Variants in SYT2 observed in about 807,000 individuals in gnomAD.
SYT2 encodes the protein synaptotagmin-2.
A neutral mutation model predicts 39.9 loss-of-function variants in SYT2; 15 were observed. That is an observed-to-expected ratio of 0.38 (90% CI 0.25 to 0.58). SYT2 has a LOEUF of 0.58. Ranked by LOEUF, SYT2 falls within the 20% of genes least tolerant of loss-of-function variation. The pLI is 0.70. For missense variants in SYT2, 389 were observed against 530.3 expected (o/e 0.73, Z 2.62); for synonymous variants, 181 against 204.5 (o/e 0.89, Z 0.98).
chr1:202,635,101 T>G (rs143656465), intron 1 of SYT2, among the ~76,000 whole-genome samples: 8 of 152,310 alleles, frequency 5.3e-5, no homozygotes, highest in Non-Finnish European at 8.8e-5. Flanking sequence ...ATAAATAAGA[T>G]AGTAAATCAT....
rs1288591191 is a variant in SYT2, at chr1:202,652,861, G to A, written c.-17-47072C>T. 2.6e-5 allele frequency among the ~76,000 whole-genome samples: 4 copies of A among 152,148 alleles called. No individual in the cohort carries two copies. In the East Asian group the frequency reaches 7.7e-4, roughly 29 times the overall value. Reference sequence around the variant, plus strand: ...TGAGCTCCAGTTTCCTTTTCTCAAGGAACATTCATCACCAATTCACCTAAG... The same window carrying A: ...TGAGCTCCAGTTTCCTTTTCTCAAGAAACATTCATCACCAATTCACCTAAG... On this transcript the variant is annotated intron_variant, in intron 1 of 8. Transcript: ENST00000367268.
chr1:202,625,964 G>A (rs1691392834), intron 1 of SYT2, among the ~76,000 whole-genome samples: 1 of 152,202 alleles, frequency 6.6e-6, no homozygotes, highest in African/African-American at 2.4e-5. Context: ...GCACGTGAAC[G>A]CCATGTGTAT....
At chr1:202,607,180 C>G (rs1690735899) in intron 1 of SYT2, among the ~76,000 whole-genome samples, 1 of 152,174 alleles carries the variant, frequency 6.6e-6, no homozygotes, top group Non-Finnish European at 1.5e-5. Flanking sequence ...ACTTATTTCT[C>G]AACTGAAAGT....
intron 1 of SYT2, chr1:202,630,282 C>T (rs1209902969): frequency 7.0e-6 from 5 of 714,742 alleles, no homozygotes; most frequent in Non-Finnish European, 8.6e-6. Flanking sequence ...GGGCTGACCC[C>T]TGGCTCCCAC....
At chr1:202,605,530 C>G in intron 2 of SYT2, 65 bp downstream of exon 2, 1 of 1,483,710 alleles carries the variant, frequency 6.7e-7, no homozygotes, top group Non-Finnish European at 9.3e-7. Context: ...GTGGTATCCC[C>G]ACCCTTCTTC....
intron 1 of SYT2, among the ~76,000 whole-genome samples, chr1:202,610,555 A>T (rs1408632217): frequency 6.6e-6 from 1 of 152,200 alleles, no homozygotes; most frequent in Admixed American, 6.5e-5. Flanking sequence ...AGATGACATG[A>T]TTGTATATCT....
At chr1:202,626,398 C>CTTTTTTTTTTTTTTTTTT (rs58802666) in intron 1 of SYT2, among the ~76,000 whole-genome samples, 1 of 72,432 alleles carries the variant, frequency 1.4e-5, no homozygotes, top group African/African-American at 4.8e-5. Context: ...AGCCTCTCAG[C>CTTTTTTTTTTTTTTTTTT]TTTTTTTTTT....
chr1:202,657,360 G>C (rs528813653), intron 1 of SYT2, among the ~76,000 whole-genome samples: 1 of 152,184 alleles, frequency 6.6e-6, no homozygotes, highest in Admixed American at 6.5e-5. Flanking sequence ...CTCCACCTAC[G>C]ATTCTCTCTT....
intron 1 of SYT2, among the ~76,000 whole-genome samples, chr1:202,699,735 A>C (rs1421514973): frequency 6.6e-6 from 1 of 152,140 alleles, no homozygotes; most frequent in Admixed American, 6.5e-5. Flanking sequence ...AAAATGACAG[A>C]ATATACAGGG....
chr1:202,706,336 G>C lies in SYT2; in HGVS notation c.-18+3922C>G, dbSNP rs115482859. Among the ~76,000 whole-genome samples the C allele has an allele frequency of 2.8e-3, 432 of 152,114 alleles. 5 individuals carry two copies. The highest frequency in any genetic ancestry group is 9.6e-3 in the African/African-American group (398 of 41,472). Reference sequence around the variant, plus strand: ...GTTTTAAGAATATCAAAGGTGGACAGTGCTCCCTGCAGCTGGAGAACCCAA... The same window carrying C: ...GTTTTAAGAATATCAAAGGTGGACACTGCTCCCTGCAGCTGGAGAACCCAA... On this transcript the variant is annotated intron_variant, in intron 1 of 8. Transcript: ENST00000367268.
chr1:202,663,026 A>G (rs1294263837), intron 1 of SYT2, among the ~76,000 whole-genome samples: 1 of 152,202 alleles, frequency 6.6e-6, no homozygotes, highest in Non-Finnish European at 1.5e-5. Context: ...GTGAACTGTC[A>G]TCAGTCACTT....
rs112793506 is a variant in SYT2 at position 202,687,048 on chromosome 1, C to A, written c.-18+23210G>T. Reference sequence around the variant, plus strand: ...CTTCTGTATTCAAATGACCTGTTGACGTGCTTGGACTGTGAGTTTGTGAAG... The same window carrying A: ...CTTCTGTATTCAAATGACCTGTTGAAGTGCTTGGACTGTGAGTTTGTGAAG... On this transcript the variant is annotated intron_variant, in intron 1 of 8. Transcript: ENST00000367268. 3.3e-5 allele frequency among the ~76,000 whole-genome samples: 5 copies of A among 152,192 alleles called. 1 individual carries two copies. Among genetic ancestry groups the A allele is most frequent in the African/African-American group, 9.6e-5 (4 of 41,516 alleles).
chr1:202,657,652 C>T (rs1166104890), intron 1 of SYT2, among the ~76,000 whole-genome samples: 1 of 152,020 alleles, frequency 6.6e-6, no homozygotes, highest in Non-Finnish European at 1.5e-5. Context: ...AAGGACCCCC[C>T]TTTTCTTGGC....
At chr1:202,710,112 C>T in intron 1 of SYT2, 146 bp downstream of exon 1, 1 of 152,396 alleles carries the variant, frequency 6.6e-6, no homozygotes, top group Non-Finnish European at 1.5e-5. Flanking sequence ...ACGGGGCAGA[C>T]TCCCGGCCCC....
intron 1 of SYT2, chr1:202,630,369 A>G (rs777990606): frequency 1.0e-6 from 1 of 985,298 alleles, no homozygotes. Context: ...CGTGCATCCC[A>G]TCGCCAACCG....
At position 202,603,131 on chromosome 1, in the gene SYT2, G is replaced by A. The variant is rs751256235; in HGVS notation, c.346-13C>T. On this transcript the variant is annotated splice_polypyrimidine_tract_variant and intron_variant, in intron 3 of 8. Transcript: ENST00000367268. ...CGTCGTCGTCATCCTGTGGGAGCTG[G>A]GGGAGAGAGGGAACAAGTTAAAAGG... 1 of 1,613,930 alleles carries A rather than the reference G, an allele frequency of 6.2e-7. No individual in the cohort carries two copies. The highest frequency in any genetic ancestry group is 8.5e-7 in the Non-Finnish European group (1 of 1,179,916).
intron 1 of SYT2, among the ~76,000 whole-genome samples, chr1:202,608,048 T>C (rs1690765484): frequency 6.6e-6 from 1 of 152,194 alleles, no homozygotes; most frequent in African/African-American, 2.4e-5. Flanking sequence ...CCATTAGCAG[T>C]CACTCTCCAT....
At chr1:202,609,692 C>T (rs1444901779) in intron 1 of SYT2, among the ~76,000 whole-genome samples, 17 of 152,106 alleles carry the variant, frequency 1.1e-4, no homozygotes, top group Non-Finnish European at 1.2e-4. Flanking sequence ...TGTCTTCTTT[C>T]GAGAAGTGTC....
chr1:202,635,858 C>T (rs1691727045), intron 1 of SYT2, among the ~76,000 whole-genome samples: 1 of 152,212 alleles, frequency 6.6e-6, no homozygotes, highest in Non-Finnish European at 1.5e-5. Context: ...CCCTCCCAGC[C>T]AGGAAGGAGG....
Sources: gnomAD v4.1 joint callset for allele counts (sites outside exome capture counted in the v4.1 genomes callset) on GRCh38, gnomAD v4.1.1 for gene constraint, MANE v1.5 for transcripts, NCBI Gene and HGNC (gene_info 2026-07-23, HGNC 2026-07-21) for gene names.